PEX5L: variants seen among roughly 807,000 people sequenced by gnomAD.
PEX5L encodes the protein PEX5-related protein.
PEX5L carries 30 observed loss-of-function variants against 84.0 expected under a neutral mutation model. That is an observed-to-expected ratio of 0.36 (90% CI 0.27 to 0.48). PEX5L has a LOEUF of 0.48. Among genes scored for constraint, PEX5L ranks in the 20% least tolerant of loss-of-function variants. PEX5L has a pLI of 0.99. For missense variants in PEX5L, 533 were observed against 754.6 expected, an observed-to-expected ratio of 0.71 and a Z score of 3.44; for synonymous variants, 270 against 283.1, an observed-to-expected ratio of 0.95 and a Z score of 0.46.
At chr3:180,005,262 T>G (rs1788774607) in intron 1 of PEX5L, among the ~76,000 whole-genome samples, 1 of 151,770 alleles carries the variant, frequency 6.6e-6, no homozygotes, top group Non-Finnish European at 1.5e-5. Flanking sequence ...AAGTTTTTAT[T>G]TTTTTTTGTT....
intron 1 of PEX5L, among the ~76,000 whole-genome samples, chr3:179,972,806 A>G (rs1452553380): frequency 6.6e-6 from 1 of 151,400 alleles, no homozygotes; most frequent in African/African-American, 2.4e-5. Context: ...CATATCTCCA[A>G]TTTTTGTGGG....
intron 1 of PEX5L, among the ~76,000 whole-genome samples, chr3:180,031,214 A>G (rs1791435002): frequency 4.6e-5 from 7 of 152,202 alleles, no homozygotes. Flanking sequence ...ATAGTTAATG[A>G]ATAGAGTATT....
chr3:179,819,730 G>T, intron 9 of PEX5L, 130 bp downstream of exon 9: 1 of 817,012 alleles, frequency 1.2e-6, no homozygotes, highest in Non-Finnish European at 2.0e-6. Context: ...ATTTCTTCTA[G>T]GTCAGATTGA....
At position 179,867,025 on chromosome 3, in the gene PEX5L, C is replaced by CA. The variant is rs61404630; in HGVS notation, c.726+7301dup. Among the ~76,000 whole-genome samples, 845 of 88,996 alleles carry CA rather than the reference C, an allele frequency of 9.5e-3. 9 individuals carry two copies. Among genetic ancestry groups the CA allele is most frequent in the Middle Eastern group, 0.034 (6 of 174 alleles). The allele number at this position is 88,996 out of a possible 152,430, so 58.4% of individuals were successfully genotyped here. A position where few individuals can be genotyped will look rare whatever the true frequency, so the allele number is the denominator to read the frequency against. On this transcript the variant is annotated intron_variant, in intron 7 of 14. Transcript: ENST00000467460. ...TGGGTGACAGAGCAAGACTCTGTCT[C>CA]AAAAAAAAAAAAAAAAGAAAAAAAA...
intron 1 of PEX5L, among the ~76,000 whole-genome samples, chr3:180,018,883 G>T (rs559543182): frequency 3.0e-4 from 45 of 152,016 alleles, no homozygotes; most frequent in African/African-American, 1.0e-3. Context: ...GTTTTTTGTT[G>T]TTGTTGTTGT....
rs537852066 is a variant in PEX5L at position 179,975,417 on chromosome 3, A to T, written c.22-3752T>A. 2.5e-3 allele frequency among the ~76,000 whole-genome samples: 388 copies of T among 152,324 alleles called. 3 individuals carry two copies. The highest frequency in any genetic ancestry group is 3.7e-3 in the Non-Finnish European group (253 of 68,024). On this transcript the variant is annotated intron_variant, in intron 1 of 14. Transcript: ENST00000467460. The stretch of plus-strand genomic sequence containing the variant: ...GAATTGAATTAAAAGGACTCTTCAT[A>T]CTCATTAGGAATGGAATATATAAAG...
At chr3:179,929,519 C>G (rs1308429510) in intron 2 of PEX5L, among the ~76,000 whole-genome samples, 1 of 141,038 alleles carries the variant, frequency 7.1e-6, no homozygotes, top group Non-Finnish European at 1.5e-5. Flanking sequence ...AAGTCAGAAG[C>G]TGTTAAATAT....
At chr3:179,958,506 A>C (rs141119105) in intron 2 of PEX5L, among the ~76,000 whole-genome samples, 14 of 152,306 alleles carry the variant, frequency 9.2e-5, no homozygotes, top group African/African-American at 3.1e-4. Context: ...GCACATACTA[A>C]ATGCTGTGTA....
chr3:179,917,318 C>G (rs1767542424), intron 2 of PEX5L, among the ~76,000 whole-genome samples: 1 of 151,686 alleles, frequency 6.6e-6, no homozygotes, highest in South Asian at 2.1e-4. Flanking sequence ...CTGCCTAAGG[C>G]TGTTTTACAG....
At chr3:179,920,993 T>C (rs7650575) in intron 2 of PEX5L, among the ~76,000 whole-genome samples, 137,888 of 152,160 alleles carry the variant, frequency 0.91, 62,524 homozygotes, top group South Asian at 0.97. Context: ...CCCCTTACTA[T>C]TAACTAGGGA....
At chr3:179,978,176 C>A (rs1785992580) in intron 1 of PEX5L, among the ~76,000 whole-genome samples, 1 of 152,196 alleles carries the variant, frequency 6.6e-6, no homozygotes, top group South Asian at 2.1e-4. Flanking sequence ...AATCACAATA[C>A]TACAGCCTGG....
intron 1 of PEX5L, among the ~76,000 whole-genome samples, chr3:180,026,162 G>C (rs1326133515): frequency 9.7e-6 from 1 of 103,462 alleles, no homozygotes; most frequent in East Asian, 3.2e-4. Context: ...TTTGCAATTT[G>C]GGAATAGGCA....
intron 1 of PEX5L, among the ~76,000 whole-genome samples, chr3:179,993,832 T>C (rs78697317): frequency 0.028 from 4,289 of 152,264 alleles, 102 homozygotes; most frequent in Middle Eastern, 0.061. Flanking sequence ...ATCTCTAGAT[T>C]GCTTATATCT....
rs1227500749 is a variant in PEX5L at position 180,036,754 on chromosome 3, GCCA to G, written c.-158_-156del. 1.3e-6 allele frequency: 1 copy of G among 768,606 alleles called. No homozygotes were observed. Among genetic ancestry groups the G allele is most frequent in the Non-Finnish European group, 2.3e-6 (1 of 434,658 alleles). The allele number at this position is 768,606 out of a possible 1,614,324, so 47.6% of individuals were successfully genotyped here. On this transcript the variant is annotated 5_prime_UTR_variant, in exon 1 of 15. Transcript: ENST00000467460. ...GCTCCGGGTACTCGGCCGGCCGGCG[GCCA>G]CTCGGCAGCGCTGCGGGCTGCCGGG...
At chr3:180,027,176 G>A (rs1188712712) in intron 1 of PEX5L, among the ~76,000 whole-genome samples, 1 of 152,136 alleles carries the variant, frequency 6.6e-6, no homozygotes, top group East Asian at 1.9e-4. Context: ...GCTGAGTCAG[G>A]GTGCAAGCTC....
At chr3:179,817,243 G>A (rs977746166) in intron 9 of PEX5L, among the ~76,000 whole-genome samples, 1 of 152,170 alleles carries the variant, frequency 6.6e-6, no homozygotes, top group Non-Finnish European at 1.5e-5. Flanking sequence ...AATACAGGAT[G>A]TATAAATAAC....
rs896081804 is a variant in PEX5L at position 179,797,628 on chromosome 3, A to G, written c.*4200T>C. 2.1e-5 allele frequency: 3 copies of G among 144,662 alleles called. No individual in the cohort carries two copies. Among genetic ancestry groups the G allele is most frequent in the Non-Finnish European group, 4.5e-5 (3 of 66,304 alleles). The allele number at this position is 144,662 out of a possible 1,614,324, so 9.0% of individuals were successfully genotyped here. A position where few individuals can be genotyped will look rare whatever the true frequency, so the allele number is the denominator to read the frequency against. On this transcript the variant is annotated 3_prime_UTR_variant, in exon 15 of 15. Coordinates refer to ENST00000467460, the MANE Select transcript of PEX5L (RefSeq NM_016559.3). ...AAAATATATATATATATATATATAT[A>G]TATCTACTTCTTAGTTCAAAACAGT...
intron 1 of PEX5L, among the ~76,000 whole-genome samples, chr3:180,030,067 G>C (rs1031859324): frequency 2.0e-5 from 3 of 152,054 alleles, no homozygotes; most frequent in African/African-American, 7.3e-5. Context: ...AGTACTGGCA[G>C]GGCTCTGTCA....
chr3:179,946,913 A>C (rs1777703712), intron 2 of PEX5L, among the ~76,000 whole-genome samples: 1 of 152,260 alleles, frequency 6.6e-6, no homozygotes, highest in African/African-American at 2.4e-5. Context: ...TTGCATTGAC[A>C]AAAAGAGAAG....
Sources: gnomAD v4.1 joint callset for allele counts (sites outside exome capture counted in the v4.1 genomes callset) on GRCh38, gnomAD v4.1.1 for gene constraint, MANE v1.5 for transcripts, NCBI Gene and HGNC (gene_info 2026-07-23, HGNC 2026-07-21) for gene names.